SLC1A3: variants seen among roughly 807,000 people sequenced by gnomAD.
SLC1A3 encodes solute carrier family 1 member 3.
SLC1A3 carries 21 observed loss-of-function variants against 48.1 expected under a neutral mutation model. That is an observed-to-expected ratio of 0.44 (90% confidence interval 0.31 to 0.63). SLC1A3 has a LOEUF of 0.63. SLC1A3 is among the 20% of genes least tolerant of loss of function. The pLI is 0.08. For synonymous variants in SLC1A3, 239 were observed against 251.4 expected, an observed-to-expected ratio of 0.95 and a Z score of 0.47; for missense variants, 546 against 689.0, an observed-to-expected ratio of 0.79 and a Z score of 2.32.
chr5:36,629,796 G>T (rs189172790), intron 3 of SLC1A3: 2 of 568,478 alleles, frequency 3.5e-6, no homozygotes, highest in Non-Finnish European at 6.3e-6. Flanking sequence ...AAGAGGAAAC[G>T]AATTTAAACA....
intron 4 of SLC1A3, 21 bp from the exon 5 acceptor site, chr5:36,674,028 T>A: frequency 6.2e-7 from 1 of 1,610,400 alleles, no homozygotes; most frequent in Non-Finnish European, 8.5e-7. Flanking sequence ...ATTTTGCAAG[T>A]GACTATTACT....
At chr5:36,670,921 T>C (rs1447222581) in intron 3 of SLC1A3, 108 bp from the exon 4 acceptor site, 8 of 946,268 alleles carry the variant, frequency 8.5e-6, no homozygotes, top group Admixed American at 7.8e-5. Context: ...ATCCCATGGC[T>C]GGGTGGGATA....
intron 2 of SLC1A3, among the ~76,000 whole-genome samples, chr5:36,618,523 T>G (rs1033508539): frequency 6.6e-6 from 1 of 152,146 alleles, no homozygotes. Flanking sequence ...AGAATACTGG[T>G]GCTAACAGTC....
chr5:36,680,972 G>T (rs1742421846), intron 8 of SLC1A3, among the ~76,000 whole-genome samples: 1 of 152,064 alleles, frequency 6.6e-6, no homozygotes, highest in African/African-American at 2.4e-5. Flanking sequence ...GGGTTGGGAA[G>T]GGGATCCCAC....
intron 3 of SLC1A3, among the ~76,000 whole-genome samples, chr5:36,636,985 AT>A (rs559989485): frequency 2.6e-4 from 40 of 152,182 alleles, no homozygotes; most frequent in African/African-American, 9.4e-4. Flanking sequence ...TAATTGTGTT[AT>A]TTGGCACAAT....
rs1160533463 is a variant in SLC1A3 at position 36,612,728 on chromosome 5, A to C, written c.181+4124A>C. The C allele has an allele frequency of 8.9e-6, 4 of 449,394 alleles. No individual in the cohort carries two copies. The East Asian group carries it at 2.8e-4, about 31-fold the overall frequency. 27.8% of individuals were successfully genotyped at this position (449,394 alleles called of 1,614,324 possible). A position where few individuals can be genotyped will look rare whatever the true frequency, so the allele number is the denominator to read the frequency against. Reference sequence around the variant, plus strand: ...ACAACCCAGAGAGGGAGGTAATTTTATTACTCTCATTGTACAGATGAAAAA... The same window carrying C: ...ACAACCCAGAGAGGGAGGTAATTTTCTTACTCTCATTGTACAGATGAAAAA... On this transcript the variant is annotated intron_variant, in intron 2 of 9. Transcript: ENST00000265113.
At chr5:36,677,299 T>C (rs1561282807) in intron 6 of SLC1A3, 115 bp downstream of exon 6, 1 of 847,478 alleles carries the variant, frequency 1.2e-6, no homozygotes, top group East Asian at 2.6e-5. Context: ...GTTATCTCAC[T>C]CTGGTAAGCC....
chr5:36,648,697 A>C (rs1300293228), intron 3 of SLC1A3, among the ~76,000 whole-genome samples: 1 of 152,220 alleles, frequency 6.6e-6, no homozygotes, highest in Non-Finnish European at 1.5e-5. Flanking sequence ...ACAGACTTGA[A>C]AAGGCTTTTT....
intron 3 of SLC1A3, among the ~76,000 whole-genome samples, chr5:36,662,362 C>A: frequency 6.6e-6 from 1 of 152,102 alleles, no homozygotes; most frequent in East Asian, 1.9e-4. Flanking sequence ...CTATTTTCTG[C>A]GGTCCTGGGT....
intron 3 of SLC1A3, among the ~76,000 whole-genome samples, chr5:36,654,187 C>A (rs1019618003): frequency 2.0e-5 from 3 of 152,184 alleles, no homozygotes; most frequent in African/African-American, 7.2e-5. Context: ...GACTCAAAAT[C>A]CACATCTGAG....
chr5:36,668,795 T>C (rs1488163601), intron 3 of SLC1A3: 1 of 152,212 alleles, frequency 6.6e-6, no homozygotes, highest in African/African-American at 2.4e-5. Flanking sequence ...TGAACTTTAT[T>C]TTCTAGAGTC....
rs1374429607 is a variant in SLC1A3, at chr5:36,629,555, T to C, written c.287T>C (p.Val96Ala). Residue 96 changes from valine to alanine, a missense_variant, in exon 3 of 10, where the codon GTC (valine) becomes GCC (alanine). This residue lies in a region of SLC1A3 where 348 missense variants were observed against 392.0 expected (regional missense o/e 0.89). Transcript: ENST00000265113. ...ELLMRMLQML[V>A]LPLIISSLVT... Reference sequence around the variant, plus strand: ...CTGATGAGGATGTTACAGATGCTGGTCTTACCACTTATCATCTCCAGTCTT... The same window carrying C: ...CTGATGAGGATGTTACAGATGCTGGCCTTACCACTTATCATCTCCAGTCTT... 1.2e-6 allele frequency: 2 copies of C among 1,613,398 alleles called. No homozygotes were observed. The highest frequency in any genetic ancestry group is 1.7e-6 in the Non-Finnish European group (2 of 1,179,428).
chr5:36,674,989 A>G (rs536255920), intron 5 of SLC1A3, among the ~76,000 whole-genome samples: 4 of 152,330 alleles, frequency 2.6e-5, no homozygotes, highest in Admixed American at 2.0e-4. Context: ...TGCCTAAAAT[A>G]TTAAAAGGGA....
intron 2 of SLC1A3, among the ~76,000 whole-genome samples, chr5:36,614,168 T>C (rs531010086): frequency 6.6e-6 from 1 of 152,364 alleles, no homozygotes; most frequent in Non-Finnish European, 1.5e-5. Context: ...AGTTCTGCTA[T>C]GCACAAGCCA....
intron 1 of SLC1A3, among the ~76,000 whole-genome samples, chr5:36,597,336 T>C (rs1471709477): frequency 2.3e-5 from 3 of 127,950 alleles, no homozygotes; most frequent in African/African-American, 5.7e-5. Flanking sequence ...AAGCTCCGCC[T>C]CCCGGGTTCA....
intron 3 of SLC1A3, among the ~76,000 whole-genome samples, chr5:36,638,302 AGCAGCCTTC>A (rs1412712908): frequency 6.6e-6 from 1 of 152,178 alleles, no homozygotes; most frequent in Admixed American, 6.5e-5. Context: ...TAAGAGCCTT[AGCAGCCTTC>A]GCAAGCCCCT....
chr5:36,683,813 A>T, intron 8 of SLC1A3, 51 bp from the exon 9 acceptor site: 1 of 1,610,710 alleles, frequency 6.2e-7, no homozygotes, highest in South Asian at 1.1e-5. Context: ...TATATGCTCT[A>T]CGTGGGGAGC....
At chr5:36,617,414 G>GTT (rs1579953223) in intron 2 of SLC1A3, among the ~76,000 whole-genome samples, 2 of 115,866 alleles carry the variant, frequency 1.7e-5, no homozygotes, top group African/African-American at 6.7e-5. Flanking sequence ...AAGGTTGCGG[G>GTT]CTTTTTTTTT....
chr5:36,610,053 T>TA (rs1435979886), intron 2 of SLC1A3, among the ~76,000 whole-genome samples: 1 of 152,236 alleles, frequency 6.6e-6, no homozygotes, highest in East Asian at 1.9e-4. Flanking sequence ...GTATGATTAC[T>TA]ATGATCTTCC....
Sources: gnomAD v4.1 joint callset for allele counts (sites outside exome capture counted in the v4.1 genomes callset) on GRCh38, gnomAD v4.1.1 for gene constraint, gnomAD v4.1.1 regional missense constraint, MANE v1.5 for transcripts, NCBI Gene and HGNC (gene_info 2026-07-23, HGNC 2026-07-21) for gene names.